Variants in TMEM132C observed in about 807,000 individuals in gnomAD.
TMEM132C encodes protein phosphatase 1, regulatory subunit 152.
A neutral mutation model predicts 61.4 loss-of-function variants in TMEM132C; 29 were observed. The observed-to-expected ratio is 0.47, with a 90% CI of 0.35 to 0.64. TMEM132C has a LOEUF of 0.64. Ranked by LOEUF, TMEM132C falls within the 30% of genes least tolerant of loss-of-function variation. The pLI, the probability that TMEM132C is intolerant of heterozygous loss-of-function variation, is 0.00. For missense variants in TMEM132C, 1,408 were observed against 1,476.9 expected, an observed-to-expected ratio of 0.95 and a Z score of 0.76; for synonymous variants, 656 against 633.1, an observed-to-expected ratio of 1.04 and a Z score of -0.54.
intron 1 of TMEM132C, among the ~76,000 whole-genome samples, chr12:128,306,817 TG>T (rs1871799408): frequency 6.6e-6 from 1 of 152,156 alleles, no homozygotes; most frequent in Non-Finnish European, 1.5e-5. Context: ...AGTAAATTAT[TG>T]CTGAAATGTG....
chr12:128,557,179 C>G (rs1400336258), intron 3 of TMEM132C, among the ~76,000 whole-genome samples: 1 of 152,144 alleles, frequency 6.6e-6, no homozygotes, highest in Non-Finnish European at 1.5e-5. Flanking sequence ...CCAAGGGACC[C>G]TTCCCACTTC....
chr12:128,639,144 G>C (rs1229447816), intron 4 of TMEM132C, among the ~76,000 whole-genome samples: 2 of 132,380 alleles, frequency 1.5e-5, no homozygotes, highest in South Asian at 5.2e-4. Context: ...AATGACAATG[G>C]TGATGATGAT....
chr12:128,367,328 C>G (rs932583097), intron 1 of TMEM132C, among the ~76,000 whole-genome samples: 3 of 152,190 alleles, frequency 2.0e-5, no homozygotes, highest in African/African-American at 4.8e-5. Flanking sequence ...CTTCCAGATG[C>G]TAAATACTTG....
chr12:128,497,599 C>T (rs560123692), intron 2 of TMEM132C, among the ~76,000 whole-genome samples: 2 of 152,318 alleles, frequency 1.3e-5, no homozygotes, highest in East Asian at 1.9e-4. Flanking sequence ...TAGCAACGAG[C>T]GAGGCTCCGT....
chr12:128,291,612 G>A (rs553696676), intron 1 of TMEM132C, among the ~76,000 whole-genome samples: 1 of 152,182 alleles, frequency 6.6e-6, no homozygotes, highest in Non-Finnish European at 1.5e-5. Context: ...TGCTGTTCCC[G>A]TAACTCAGGG....
chr12:128,378,239 C>T (rs372597137), intron 1 of TMEM132C, among the ~76,000 whole-genome samples: 10 of 152,032 alleles, frequency 6.6e-5, no homozygotes, highest in African/African-American at 1.2e-4. Context: ...CTTAGCCTCC[C>T]GAGTAGCTGG....
At chr12:128,578,844 C>T (rs970700646) in intron 3 of TMEM132C, among the ~76,000 whole-genome samples, 51 of 152,208 alleles carry the variant, frequency 3.4e-4, no homozygotes, top group African/African-American at 1.2e-3. Context: ...GTGATCTGCC[C>T]GCCTCTTCCT....
At chr12:128,588,659 T>C (rs1425000564) in intron 3 of TMEM132C, among the ~76,000 whole-genome samples, 1 of 152,130 alleles carries the variant, frequency 6.6e-6, no homozygotes, top group Non-Finnish European at 1.5e-5. Context: ...GAGTGGGGAC[T>C]ATGAAGCCTT....
chr12:128,613,430 A>G (rs996056791), intron 3 of TMEM132C, among the ~76,000 whole-genome samples: 7 of 152,174 alleles, frequency 4.6e-5, no homozygotes, highest in Non-Finnish European at 1.0e-4. Context: ...CTCGCCTAAG[A>G]CAGCTGGTGG....
chr12:128,402,218 G>GTCA (rs1875185013), intron 1 of TMEM132C, among the ~76,000 whole-genome samples: 1 of 152,140 alleles, frequency 6.6e-6, no homozygotes, highest in Admixed American at 6.5e-5. Flanking sequence ...GACACTTCAG[G>GTCA]GTTTTTTTGT....
chr12:128,297,082 A>C (rs983816541), intron 1 of TMEM132C, among the ~76,000 whole-genome samples: 16 of 152,120 alleles, frequency 1.1e-4, no homozygotes, highest in Middle Eastern at 6.9e-3. Context: ...GTGCATATGT[A>C]AGTTTTCCCC....
chr12:128,558,967 A>T (rs1168776848), intron 3 of TMEM132C, among the ~76,000 whole-genome samples: 2 of 152,126 alleles, frequency 1.3e-5, no homozygotes, highest in Non-Finnish European at 1.5e-5. Context: ...ATAGTTCCAA[A>T]CTCAAAAAGT....
chr12:128,561,801 T>C (rs1333243325), intron 3 of TMEM132C, among the ~76,000 whole-genome samples: 1 of 152,194 alleles, frequency 6.6e-6, no homozygotes, highest in Non-Finnish European at 1.5e-5. Flanking sequence ...TTCTGTTCCA[T>C]AGAGATCCAA....
rs1284232990 is a variant in TMEM132C at position 128,369,685 on chromosome 12, C to A, written c.86-45047C>A. The stretch of plus-strand genomic sequence containing the variant: ...AATGATTGCCTGGGTCATGGTTTTT[C>A]TTCTCAAGTTTCAGCCTTGGGATGG... On this transcript the variant is annotated intron_variant, in intron 1 of 8. Transcript: ENST00000435159. Among the ~76,000 whole-genome samples the A allele has an allele frequency of 5.9e-5, 9 of 152,326 alleles. No homozygotes were observed. The East Asian group carries it at 1.5e-3, about 26-fold the overall frequency.
rs1713619 is a variant in TMEM132C, at chr12:128,379,417, G to A, written c.86-35315G>A. 6.8e-3 allele frequency among the ~76,000 whole-genome samples: 1,041 copies of A among 152,246 alleles called. 13 individuals carry two copies. Among genetic ancestry groups the A allele is most frequent in the African/African-American group, 0.024 (982 of 41,542 alleles). ...TTTTACAACCTATTCCAGTTGCCTG[G>A]GACTGCTATAACAAATGGCAACAAA... On this transcript the variant is annotated intron_variant, in intron 1 of 8. Transcript: ENST00000435159.
rs771416731 is a variant in TMEM132C at position 128,414,942 on chromosome 12, A to G, written c.296A>G (p.Tyr99Cys). 25 of 1,551,626 alleles carry G rather than the reference A, an allele frequency of 1.6e-5. No individual in the cohort carries two copies. Among genetic ancestry groups the G allele is most frequent in the East Asian group, 2.4e-5 (1 of 40,920 alleles). The change falls in exon 2 of 9, where the codon TAT (tyrosine) becomes TGT (cysteine). Residue 99 changes from tyrosine (Y) to cysteine (C), a missense_variant. Transcript: ENST00000435159. ...CAGCCCCCAGTGCTCAATGCCAGCT[A>G]TGGACCCTTTTCTGTGGAGAAGGTT... The part of the protein sequence containing the change: ...TRQPPVLNAS[Y>C]GPFSVEKVVP...
chr12:128,383,344 C>T (rs1361170452), intron 1 of TMEM132C, among the ~76,000 whole-genome samples: 5 of 152,278 alleles, frequency 3.3e-5, no homozygotes, highest in Admixed American at 1.3e-4. Flanking sequence ...GCCAACCGCC[C>T]GTTGGCCAAT....
intron 4 of TMEM132C, among the ~76,000 whole-genome samples, chr12:128,661,675 A>G (rs1004455284): frequency 6.6e-6 from 1 of 152,248 alleles, no homozygotes; most frequent in African/African-American, 2.4e-5. Context: ...AAAGTAAAAT[A>G]TAGAAAAGGC....
intron 1 of TMEM132C, among the ~76,000 whole-genome samples, chr12:128,386,295 C>A (rs185168121): frequency 6.6e-6 from 1 of 152,184 alleles, no homozygotes; most frequent in Non-Finnish European, 1.5e-5. Context: ...TTCTCTCTTT[C>A]GCCAACATTT....
Sources: gnomAD v4.1 joint callset for allele counts (sites outside exome capture counted in the v4.1 genomes callset) on GRCh38, gnomAD v4.1.1 for gene constraint, MANE v1.5 for transcripts, NCBI Gene and HGNC (gene_info 2026-07-23, HGNC 2026-07-21) for gene names.